The following ATF2 variants were observed in gnomAD, a reference collection of about 807,000 sequenced individuals.
ATF2 encodes the protein activating transcription factor 2.
Under a neutral mutation model 60.6 loss-of-function variants are expected in ATF2, and 24 were observed. The observed-to-expected ratio is 0.40, with a 90% CI of 0.29 to 0.56. ATF2 has a LOEUF of 0.56. Ranked by LOEUF, ATF2 falls within the 20% of genes least tolerant of loss-of-function variation. The probability of loss-of-function intolerance (pLI) is 0.54; values close to 1 mark genes in which losing one functional copy is unlikely to be tolerated. For synonymous variants in ATF2, 206 were observed against 215.4 expected, an observed-to-expected ratio of 0.96 and a Z score of 0.38; for missense variants, 433 against 607.7, an observed-to-expected ratio of 0.71 and a Z score of 3.02.
At chr2:175,135,657 T>C (rs1048441006) in intron 3 of ATF2, among the ~76,000 whole-genome samples, 26 of 152,186 alleles carry the variant, frequency 1.7e-4, no homozygotes, top group African/African-American at 6.0e-4. Context: ...TTAGAAGAAA[T>C]TTAATAAACA....
At chr2:175,121,564 T>C (rs1436576234) in intron 4 of ATF2, 24 bp from the exon 5 acceptor site, 15 of 1,531,306 alleles carry the variant, frequency 9.8e-6, no homozygotes, top group Middle Eastern at 1.7e-4. Context: ...TTTTAAAATA[T>C]AGTTAAGATT....
intron 3 of ATF2, among the ~76,000 whole-genome samples, chr2:175,133,284 T>C (rs1219751344): frequency 3.9e-5 from 6 of 152,090 alleles, no homozygotes; most frequent in African/African-American, 1.4e-4. Flanking sequence ...CACTGTGGTA[T>C]CAGTCCAATG....
chr2:175,111,855 G>A (rs1574398641), intron 9 of ATF2, among the ~76,000 whole-genome samples: 2 of 152,112 alleles, frequency 1.3e-5, no homozygotes, highest in Non-Finnish European at 2.9e-5. Flanking sequence ...TCTGAGACGT[G>A]TGCTTTCCTA....
chr2:175,156,377 C>CAAAAAAAAAAAAAAA (rs57399474), intron 1 of ATF2, among the ~76,000 whole-genome samples: 1 of 55,982 alleles, frequency 1.8e-5, no homozygotes, highest in Non-Finnish European at 3.7e-5. Context: ...TCTCAAAAAA[C>CAAAAAAAAAAAAAAA]AAAAAAAAAA....
At chr2:175,163,385 G>A (rs995647875) in intron 1 of ATF2, among the ~76,000 whole-genome samples, 6 of 151,904 alleles carry the variant, frequency 3.9e-5, no homozygotes, top group African/African-American at 9.7e-5. Flanking sequence ...AGTCCATATG[G>A]TATTTTGCCA....
rs781022245 is a variant in ATF2, at chr2:175,074,730, G to A, written c.1397C>T (p.Thr466Ile). Residue 466 changes from threonine (T) to isoleucine (I), a missense_variant, in exon 14 of 14, where the codon ACC (threonine) becomes ATC (isoleucine). By Grantham distance (89) the Thr-to-Ile change is moderately conservative. Transcript: ENST00000264110. ...SVSTSNGVSSTSKAEAVATSV... is the reference protein window; with the variant it reads ...SVSTSNGVSSISKAEAVATSV... ...AGTGGCTACAGCTTCTGCCTTGGAG[G>A]TTGAACTGACTCCATTGGATGTGCT... 5.0e-6 allele frequency: 8 copies of A among 1,613,378 alleles called. No individual in the cohort carries two copies. The highest frequency in any genetic ancestry group is 1.6e-4 in the Middle Eastern group (1 of 6,078).
At chr2:175,164,349 C>G (rs925615663) in intron 1 of ATF2, among the ~76,000 whole-genome samples, 1 of 152,222 alleles carries the variant, frequency 6.6e-6, no homozygotes, top group African/African-American at 2.4e-5. Context: ...GCCTGGCCAA[C>G]ATGGTGAAAC....
rs1440800022 is a variant in ATF2, at chr2:175,114,786, G to C, written c.530C>G (p.Thr177Arg). The stretch of plus-strand genomic sequence containing the variant: ...AATAATTACACTTGAGTCAGAACTT[G>C]TAAGCAGCACATTGGGAACCTGTAA... ...ASLQVPNVLL[T>R]SSDSSVIIQQ... The change falls in exon 8 of 14, where the codon ACA becomes AGA. Residue 177 changes from threonine to arginine, a missense_variant. Physicochemically the swap from Thr to Arg is moderately conservative, Grantham distance 71. This residue lies in a region of ATF2 where 246 missense variants were observed against 309.3 expected (regional missense o/e 0.80). Coordinates refer to ENST00000264110, the MANE Select transcript of ATF2 (RefSeq NM_001880.4). The C allele has an allele frequency of 6.2e-7, 1 of 1,614,028 alleles. No individual in the cohort carries two copies. Among genetic ancestry groups the C allele is most frequent in the Admixed American group, 1.7e-5 (1 of 60,026 alleles).
At chr2:175,163,016 C>T (rs914429451) in intron 1 of ATF2, among the ~76,000 whole-genome samples, 7 of 152,046 alleles carry the variant, frequency 4.6e-5, no homozygotes, top group Non-Finnish European at 7.4e-5. Flanking sequence ...TGCCTGTAGT[C>T]CCAGCTACTT....
At chr2:175,076,086 A>G (rs1693269324) in intron 13 of ATF2, among the ~76,000 whole-genome samples, 2 of 152,224 alleles carry the variant, frequency 1.3e-5, no homozygotes, top group African/African-American at 2.4e-5. Flanking sequence ...AGCAGGACTT[A>G]GCCTATGATT....
In ATF2 at chr2:175,168,044, A is replaced by C; in HGVS notation, c.-143+6T>G. ...GCCCTGCTGACCTCTGCCCATCGTT[A>C]CTCACCTTTCCAGGTCACTAGTTCA... On this transcript the variant is annotated splice_donor_region_variant and intron_variant, in intron 1 of 13. Coordinates refer to ENST00000264110, the MANE Select transcript of ATF2 (RefSeq NM_001880.4). The C allele has an allele frequency of 4.3e-6, 1 of 234,788 alleles. No individual in the cohort carries two copies. Among genetic ancestry groups the C allele is most frequent in the Non-Finnish European group, 9.1e-6 (1 of 110,324 alleles). The allele number at this position is 234,788 out of a possible 1,614,324, so 14.5% of individuals were successfully genotyped here. A position where few individuals can be genotyped will look rare whatever the true frequency, so the allele number is the denominator to read the frequency against.
chr2:175,087,092 C>T (rs1346776955), intron 12 of ATF2, among the ~76,000 whole-genome samples: 1 of 152,074 alleles, frequency 6.6e-6, no homozygotes, highest in Non-Finnish European at 1.5e-5. Context: ...ATACCTCTTA[C>T]TATTTTGTGG....
chr2:175,118,160 C>T (rs1696713947), intron 6 of ATF2, 42 bp from the exon 7 acceptor site: 4 of 1,599,780 alleles, frequency 2.5e-6, no homozygotes. Flanking sequence ...AGTTCAAAAA[C>T]AGTGTGTCTA....
At chr2:175,158,077 G>T (rs1699798010) in intron 1 of ATF2, among the ~76,000 whole-genome samples, 1 of 151,928 alleles carries the variant, frequency 6.6e-6, no homozygotes, top group African/African-American at 2.4e-5. Flanking sequence ...GTACATTCAT[G>T]ACTATCTTCA....
At chr2:175,167,666 G>A in intron 1 of ATF2, 2 of 506,484 alleles carry the variant, frequency 3.9e-6, no homozygotes, top group South Asian at 3.0e-5. Flanking sequence ...TGCGCACACG[G>A]CTGACTCGAC....
rs544900296 is a variant in ATF2, at chr2:175,114,261, A to G, written c.627-153T>C. 411 of 1,396,420 alleles carry G rather than the reference A, an allele frequency of 2.9e-4. 6 individuals carry two copies. The South Asian group carries it at 6.8e-3, about 23-fold the overall frequency. The allele number at this position is 1,396,420 out of a possible 1,614,324, so 86.5% of individuals were successfully genotyped here. On this transcript the variant is annotated intron_variant, in intron 8 of 13. Transcript: ENST00000264110. ...AAATAGCAAAATTTAATTATTTTTA[A>G]TTGCATCTTAAATGCATAACCTGTG... is the stretch of plus-strand genomic sequence containing the variant.
chr2:175,150,320 T>C (rs1304426948), intron 2 of ATF2, among the ~76,000 whole-genome samples: 1 of 152,186 alleles, frequency 6.6e-6, no homozygotes, highest in Non-Finnish European at 1.5e-5. Context: ...TCTGCTTGTA[T>C]ATTTTGATAT....
chr2:175,077,637 T>G (rs1288524736), intron 13 of ATF2, among the ~76,000 whole-genome samples: 1 of 152,148 alleles, frequency 6.6e-6, no homozygotes, highest in Non-Finnish European at 1.5e-5. Flanking sequence ...AGTCAACAAC[T>G]TAAAATGAAA....
At position 175,083,248 on chromosome 2, in the gene ATF2, A is replaced by G. The variant is rs535966707; in HGVS notation, c.1186-2483T>C. Among the ~76,000 whole-genome samples, 752 of 152,224 alleles carry G rather than the reference A, an allele frequency of 4.9e-3. 4 individuals are homozygous for G. The highest frequency in any genetic ancestry group is 0.017 in the African/African-American group (691 of 41,532). ...ATCACGCTACCTGACTTCAAACTAT[A>G]CTACAAGGCTACAGTAACCAAAACA... On this transcript the variant is annotated intron_variant, in intron 12 of 13. Coordinates refer to ENST00000264110, the MANE Select transcript of ATF2 (RefSeq NM_001880.4).
Sources: allele counts gnomAD v4.1 joint callset (sites outside exome capture counted in the v4.1 genomes callset), GRCh38; gene constraint gnomAD v4.1.1; regional missense constraint gnomAD v4.1.1; transcripts MANE v1.5; gene names NCBI Gene and HGNC (gene_info 2026-07-23, HGNC 2026-07-21).